RAD54L2: variants seen among roughly 807,000 people sequenced by gnomAD.
The protein encoded by RAD54L2 is RAD54 like 2, also known as helicase ARIP4.
Under a neutral mutation model 138.4 loss-of-function variants are expected in RAD54L2, and 27 were observed. The observed-to-expected ratio is 0.20, with a 90% confidence interval of 0.14 to 0.27. The LOEUF is 0.27. Among genes scored for constraint, RAD54L2 ranks in the 10% least tolerant of loss-of-function variants. RAD54L2 has a pLI of 1.00. For synonymous variants in RAD54L2, 644 were observed against 723.2 expected, an observed-to-expected ratio of 0.89 and a Z score of 1.76; for missense variants, 1,396 against 1,890.2, an observed-to-expected ratio of 0.74 and a Z score of 4.85.
At chr3:51,625,887 G>T (rs1700666750) in intron 3 of RAD54L2, among the ~76,000 whole-genome samples, 1 of 151,932 alleles carries the variant, frequency 6.6e-6, no homozygotes, top group South Asian at 2.1e-4. Flanking sequence ...AGTGTTAAAG[G>T]TCATGAGAGA....
intron 3 of RAD54L2, among the ~76,000 whole-genome samples, chr3:51,607,793 TGGC>T (rs1238914896): frequency 2.4e-5 from 3 of 126,332 alleles, no homozygotes; most frequent in Non-Finnish European, 5.0e-5. Flanking sequence ...CCAGATGGGG[TGGC>T]GGCCGGGCAG....
At chr3:51,562,131 G>C (rs1201602309) in intron 2 of RAD54L2, among the ~76,000 whole-genome samples, 1 of 152,046 alleles carries the variant, frequency 6.6e-6, no homozygotes, top group Non-Finnish European at 1.5e-5. Flanking sequence ...TGCCTCCTGG[G>C]TTCAAGCGAT....
At chr3:51,651,317 C>G (rs1037141711) in intron 19 of RAD54L2, among the ~76,000 whole-genome samples, 3 of 152,070 alleles carry the variant, frequency 2.0e-5, no homozygotes, top group African/African-American at 7.2e-5. Flanking sequence ...CAAAAAAAGT[C>G]CAGGACCAGA....
Position 51,638,414 on chromosome 3 carries a change from A to G in RAD54L2, c.1860+93A>G. Reference sequence around the variant, plus strand: ...CCTACTGAGAGTCTTCAATAAAGGGAGAATAAAGTGAGAGGGGGCCACCTC... The same window carrying G: ...CCTACTGAGAGTCTTCAATAAAGGGGGAATAAAGTGAGAGGGGGCCACCTC... On this transcript the variant is annotated intron_variant, in intron 12 of 22. Coordinates refer to ENST00000684192, the MANE Select transcript of RAD54L2 (RefSeq NM_015106.4). This position sits in a 1 kb window ranked among gnomAD's most constrained non-coding sequence, Gnocchi z 4.3. 6.8e-7 allele frequency: 1 copy of G among 1,475,662 alleles called. No homozygotes were observed. The highest frequency in any genetic ancestry group is 9.3e-7 in the Non-Finnish European group (1 of 1,079,026). 91.4% of individuals were successfully genotyped at this position (1,475,662 alleles called of 1,614,324 possible).
Position 51,549,128 on chromosome 3 carries a change from G to A in RAD54L2, c.-55+7478G>A, listed in dbSNP as rs578092131. ...CCTGCCTCAGCCTCCTGAGTATCTG[G>A]GATTACAGGCGCCCACCACCACGCC... On this transcript the variant is annotated intron_variant, in intron 2 of 22. Transcript: ENST00000684192. Among the ~76,000 whole-genome samples, 13 of 152,104 alleles carry A rather than the reference G, an allele frequency of 8.5e-5. No individual in the cohort carries two copies. The East Asian group carries it at 2.3e-3, about 27-fold the overall frequency.
chr3:51,597,906 A>G (rs1487328135), intron 3 of RAD54L2, among the ~76,000 whole-genome samples: 1 of 151,398 alleles, frequency 6.6e-6, no homozygotes, highest in Non-Finnish European at 1.5e-5. Flanking sequence ...GTGAGCCGAG[A>G]TCACGCCACT....
chr3:51,602,138 T>C (rs1700094940), intron 3 of RAD54L2, among the ~76,000 whole-genome samples: 1 of 152,202 alleles, frequency 6.6e-6, no homozygotes. Context: ...AGCTTTGTTT[T>C]CTTTCTTATT....
chr3:51,538,775 G>A lies in RAD54L2; in HGVS notation c.-257G>A, dbSNP rs1698475885. Among the ~76,000 whole-genome samples the A allele has an allele frequency of 6.6e-6, 1 of 151,854 alleles. No individual in the cohort carries two copies. Among genetic ancestry groups the A allele is most frequent in the Non-Finnish European group, 1.5e-5 (1 of 67,936 alleles). ...CGCTTGGCCAGAGCCAGCCCGCGGCGCCCGGGCCTGGCCGGCTGCTTCCCG... is the reference window on the plus strand; with the variant it reads ...CGCTTGGCCAGAGCCAGCCCGCGGCACCCGGGCCTGGCCGGCTGCTTCCCG... On this transcript the variant is annotated 5_prime_UTR_variant, in exon 1 of 23. Coordinates refer to ENST00000684192, the MANE Select transcript of RAD54L2 (RefSeq NM_015106.4).
chr3:51,560,504 G>A (rs997018704), intron 2 of RAD54L2, among the ~76,000 whole-genome samples: 4 of 151,796 alleles, frequency 2.6e-5, no homozygotes, highest in African/African-American at 4.8e-5. Flanking sequence ...AGGACTACAG[G>A]TGCCCACCAC....
chr3:51,564,148 C>T (rs1649455582), intron 2 of RAD54L2, among the ~76,000 whole-genome samples: 1 of 152,182 alleles, frequency 6.6e-6, no homozygotes. Context: ...CTGGTAAAGC[C>T]TTAGGAAATC....
chr3:51,544,997 G>A (rs1334042819), intron 2 of RAD54L2, among the ~76,000 whole-genome samples: 3 of 152,118 alleles, frequency 2.0e-5, no homozygotes, highest in African/African-American at 7.2e-5. Context: ...ACCATATACA[G>A]GAAATAACGA....
At chr3:51,540,689 A>G (rs1698528069) in intron 1 of RAD54L2, among the ~76,000 whole-genome samples, 2 of 152,214 alleles carry the variant, frequency 1.3e-5, no homozygotes. Flanking sequence ...AGTTGTACTG[A>G]TAGTTCTCAT....
At chr3:51,589,629 T>C (rs1699792474) in intron 2 of RAD54L2, among the ~76,000 whole-genome samples, 1 of 151,344 alleles carries the variant, frequency 6.6e-6, no homozygotes, top group African/African-American at 2.4e-5. Flanking sequence ...TTTCGCACAA[T>C]TGTAAGTTAA....
At chr3:51,550,610 G>A (rs1472488646) in intron 2 of RAD54L2, among the ~76,000 whole-genome samples, 2 of 152,034 alleles carry the variant, frequency 1.3e-5, no homozygotes, top group Non-Finnish European at 2.9e-5. Context: ...GTGTGGTGGT[G>A]CGCCCCTGTT....
chr3:51,573,895 G>C (rs1281691034), intron 2 of RAD54L2, among the ~76,000 whole-genome samples: 2 of 151,866 alleles, frequency 1.3e-5, no homozygotes, highest in African/African-American at 4.8e-5. Flanking sequence ...TGTGCACAAC[G>C]TGTAGGTTTG....
At chr3:51,582,866 C>T (rs939946721) in intron 2 of RAD54L2, among the ~76,000 whole-genome samples, 3 of 151,922 alleles carry the variant, frequency 2.0e-5, no homozygotes, top group Admixed American at 2.0e-4. Flanking sequence ...CCCGGGTTCA[C>T]GCCATTCTCC....
Position 51,667,722 on chromosome 3 carries a change from T to A in RAD54L2, c.*4302T>A, listed in dbSNP as rs565035303. Reference sequence around the variant, plus strand: ...CAACTCTTCTCTTCTGCCCTGTGTATTCTGCTGTGATCCCCTTAACGGCTT... The same window carrying A: ...CAACTCTTCTCTTCTGCCCTGTGTAATCTGCTGTGATCCCCTTAACGGCTT... On this transcript the variant is annotated 3_prime_UTR_variant, in exon 23 of 23. Transcript: ENST00000684192. 2 of 152,496 alleles carry A rather than the reference T, an allele frequency of 1.3e-5. No homozygotes were observed. The highest frequency in any genetic ancestry group is 3.9e-4 in the East Asian group (2 of 5,182). The allele number at this position is 152,496 out of a possible 1,614,324, so 9.4% of individuals were successfully genotyped here.
At chr3:51,612,740 A>C (rs1012017491) in intron 3 of RAD54L2, among the ~76,000 whole-genome samples, 13 of 151,584 alleles carry the variant, frequency 8.6e-5, no homozygotes, top group Admixed American at 8.6e-4. Flanking sequence ...AGTTTAAGCA[A>C]TCTTTTCCAT....
chr3:51,548,505 A>G (rs1296296213), intron 2 of RAD54L2, among the ~76,000 whole-genome samples: 4 of 151,964 alleles, frequency 2.6e-5, no homozygotes, highest in African/African-American at 7.3e-5. Flanking sequence ...TCATATATAT[A>G]TTTACTTCAT....
Sources: gnomAD v4.1 joint callset for allele counts (sites outside exome capture counted in the v4.1 genomes callset) on GRCh38, gnomAD v4.1.1 for gene constraint, Gnocchi (gnomAD v3.1) non-coding constraint, MANE v1.5 for transcripts, NCBI Gene and HGNC (gene_info 2026-07-23, HGNC 2026-07-21) for gene names.